The following SNX7 variants were observed in gnomAD, a reference collection of about 807,000 sequenced individuals.
The protein encoded by SNX7 is sorting nexin 7.
Under a neutral mutation model 48.4 loss-of-function variants are expected in SNX7, and 35 were observed. The observed-to-expected ratio is 0.72, with a 90% CI of 0.55 to 0.96. The LOEUF is 0.96. Among genes scored for constraint, SNX7 ranks in the 40% least tolerant of loss-of-function variants. The probability of loss-of-function intolerance (pLI) is 0.00; values close to 1 mark genes in which losing one functional copy is unlikely to be tolerated. For synonymous variants in SNX7, 190 were observed against 190.2 expected (o/e 1.00, Z 0.01); for missense variants, 553 against 548.9 (o/e 1.01, Z -0.07).
At chr1:98,691,466 A>G in intron 3 of SNX7, 69 bp from the exon 4 acceptor site, 1 of 1,289,866 alleles carries the variant, frequency 7.8e-7, no homozygotes, top group African/African-American at 1.5e-5. Context: ...CAAACAGGGA[A>G]AGCGTAGAAT....
chr1:98,756,531 G>C (rs1036061948), intron 8 of SNX7, among the ~76,000 whole-genome samples: 2 of 140,102 alleles, frequency 1.4e-5, no homozygotes, highest in African/African-American at 5.3e-5. Context: ...ATGGGATTCT[G>C]TACTATTGTA....
chr1:98,740,662 G>A (rs1654027805), intron 8 of SNX7, among the ~76,000 whole-genome samples: 1 of 151,892 alleles, frequency 6.6e-6, no homozygotes, highest in Admixed American at 6.6e-5. Flanking sequence ...CAGTCTCATT[G>A]ATTGAATTCA....
intron 1 of SNX7, among the ~76,000 whole-genome samples, chr1:98,665,301 T>A (rs1290489723): frequency 6.6e-6 from 1 of 152,136 alleles, no homozygotes; most frequent in Non-Finnish European, 1.5e-5. Context: ...AATGGTTCCC[T>A]GAAACTAGAG....
At chr1:98,740,408 A>G (rs1169232065) in intron 8 of SNX7, among the ~76,000 whole-genome samples, 1 of 152,172 alleles carries the variant, frequency 6.6e-6, no homozygotes, top group African/African-American at 2.4e-5. Flanking sequence ...TAATTGAGAT[A>G]ATTTATAAGA....
intron 8 of SNX7, among the ~76,000 whole-genome samples, chr1:98,741,737 G>A (rs1654081622): frequency 6.6e-6 from 1 of 152,044 alleles, no homozygotes; most frequent in South Asian, 2.1e-4. Flanking sequence ...TGGATACAGG[G>A]CATGGATATT....
intron 8 of SNX7, among the ~76,000 whole-genome samples, chr1:98,757,963 C>T (rs547056887): frequency 5.2e-4 from 79 of 152,174 alleles, no homozygotes; most frequent in African/African-American, 1.9e-3. Context: ...TCCAATGTGA[C>T]TTAGATCCTA....
intron 7 of SNX7, among the ~76,000 whole-genome samples, chr1:98,730,123 G>A (rs574250141): frequency 1.7e-4 from 26 of 152,240 alleles, no homozygotes; most frequent in African/African-American, 6.0e-4. Context: ...ATCAATAAAT[G>A]TAATCCATCA....
chr1:98,713,790 T>C (rs1379217002), intron 7 of SNX7, among the ~76,000 whole-genome samples: 2 of 152,226 alleles, frequency 1.3e-5, no homozygotes. Flanking sequence ...TACACATTTA[T>C]GGATTAGATT....
At chr1:98,691,478 G>T in intron 3 of SNX7, 57 bp from the exon 4 acceptor site, 1 of 1,392,540 alleles carries the variant, frequency 7.2e-7, no homozygotes. Flanking sequence ...GCGTAGAATT[G>T]CTTATAAACC....
chr1:98,729,349 C>G (rs1021885160), intron 7 of SNX7, among the ~76,000 whole-genome samples: 20 of 152,020 alleles, frequency 1.3e-4, no homozygotes, highest in African/African-American at 4.3e-4. Context: ...AAGTCAAAAA[C>G]GTAGCATCTC....
Position 98,696,234 on chromosome 1 carries a change from AT to A in SNX7, c.838+524del, listed in dbSNP as rs577929356. 2.3e-3 allele frequency among the ~76,000 whole-genome samples: 344 copies of A among 150,728 alleles called. 1 individual carries two copies. Among genetic ancestry groups the A allele is most frequent in the Non-Finnish European group, 3.8e-3 (260 of 67,716 alleles). On this transcript the variant is annotated intron_variant, in intron 5 of 8. Coordinates refer to ENST00000306121, the MANE Select transcript of SNX7 (RefSeq NM_015976.5). ...TTTTTCTAATTCTAATCACGTGATG[AT>A]TTTTTCCCCTAATTTTCTAATTGCA...
chr1:98,707,074 A>G (rs1652049144), intron 7 of SNX7, among the ~76,000 whole-genome samples: 6 of 152,176 alleles, frequency 3.9e-5, no homozygotes, highest in Admixed American at 3.9e-4. Context: ...TCATTAAAGT[A>G]TGAGCCTTTA....
intron 8 of SNX7, among the ~76,000 whole-genome samples, chr1:98,759,633 A>G (rs1295635604): frequency 2.6e-5 from 4 of 152,102 alleles, no homozygotes; most frequent in Non-Finnish European, 5.9e-5. Context: ...AACCTAAGTT[A>G]TAGCTGAAGA....
intron 4 of SNX7, among the ~76,000 whole-genome samples, 187 bp downstream of exon 4, chr1:98,691,886 C>T (rs1443489054): frequency 6.7e-6 from 1 of 150,216 alleles, no homozygotes; most frequent in Non-Finnish European, 1.5e-5. Flanking sequence ...ATAAATATTA[C>T]AGAAATCTTG....
At chr1:98,689,076 T>C (rs567694775) in intron 2 of SNX7, among the ~76,000 whole-genome samples, 2 of 152,218 alleles carry the variant, frequency 1.3e-5, no homozygotes, top group Admixed American at 1.3e-4. Flanking sequence ...GGCTAATTTT[T>C]GTATTTTTAG....
chr1:98,733,635 A>G (rs1372021499), intron 7 of SNX7, among the ~76,000 whole-genome samples: 1 of 152,028 alleles, frequency 6.6e-6, no homozygotes, highest in Non-Finnish European at 1.5e-5. Context: ...AATGCCTTTC[A>G]AGTTTCCTTT....
chr1:98,741,859 C>A (rs1247949964), intron 8 of SNX7, among the ~76,000 whole-genome samples: 1 of 152,190 alleles, frequency 6.6e-6, no homozygotes, highest in East Asian at 1.9e-4. Context: ...ATCTTATGAA[C>A]TGGAAGAGCA....
chr1:98,678,025 T>G (rs947092987), intron 1 of SNX7, among the ~76,000 whole-genome samples: 2 of 145,992 alleles, frequency 1.4e-5, no homozygotes, highest in South Asian at 2.2e-4. Context: ...GTGTGTGTGT[T>G]AGTCTGTTCT....
At chr1:98,693,341 A>T (rs943876073) in intron 4 of SNX7, among the ~76,000 whole-genome samples, 3 of 152,218 alleles carry the variant, frequency 2.0e-5, no homozygotes, top group East Asian at 1.9e-4. Context: ...TGCAAGAAAG[A>T]TACCAGACAG....
Sources: gnomAD v4.1 joint callset for allele counts (sites outside exome capture counted in the v4.1 genomes callset) on GRCh38, gnomAD v4.1.1 for gene constraint, MANE v1.5 for transcripts, NCBI Gene and HGNC (gene_info 2026-07-23, HGNC 2026-07-21) for gene names.